The following FEV variants were observed in gnomAD, a reference collection of about 807,000 sequenced individuals.
FEV encodes protein FEV.
FEV carries 14 observed loss-of-function variants against 20.5 expected under a neutral mutation model. The observed-to-expected ratio is 0.68, with a 90% CI of 0.45 to 1.07. The LOEUF (loss-of-function observed/expected upper bound fraction) is 1.07, where lower values mean the gene tolerates loss of function less well. Ranked by LOEUF, FEV falls within the 50% of genes least tolerant of loss-of-function variation. The pLI, the probability that FEV is intolerant of heterozygous loss-of-function variation, is 0.00. For missense variants in FEV, 301 were observed against 345.3 expected, an observed-to-expected ratio of 0.87 and a Z score of 1.02; for synonymous variants, 188 against 163.7, an observed-to-expected ratio of 1.15 and a Z score of -1.13.
At position 218,985,139 on chromosome 2, in the gene FEV, C is replaced by A. The variant is rs1945428786; in HGVS notation, c.-64G>T. 3.1e-6 allele frequency: 4 copies of A among 1,269,980 alleles called. No individual in the cohort carries two copies. The South Asian group carries it at 4.4e-5, about 14-fold the overall frequency. 78.7% of individuals were successfully genotyped at this position (1,269,980 alleles called of 1,614,324 possible). A position where few individuals can be genotyped will look rare whatever the true frequency, so the allele number is the denominator to read the frequency against. On this transcript the variant is annotated 5_prime_UTR_variant, in exon 1 of 3. Coordinates refer to ENST00000295727, the MANE Select transcript of FEV (RefSeq NM_017521.3). ...GGGAAGGGGGGCGAGGCAGGCTTTG[C>A]GCTCGGTGGCACCGATCCCCGCCCG...
At position 218,984,949 on chromosome 2, in the gene FEV, C is replaced by G; in HGVS notation, c.52+75G>C. On this transcript the variant is annotated intron_variant, in intron 1 of 2. Transcript: ENST00000295727. This position sits in a 1 kb window ranked among gnomAD's most constrained non-coding sequence, Gnocchi z 5.0. Reference sequence around the variant, plus strand: ...CTTCTCCTTCCCCTGGACCCCAGCACTCTCTTCCCATGCCTGAGCCTAGAC... The same window carrying G: ...CTTCTCCTTCCCCTGGACCCCAGCAGTCTCTTCCCATGCCTGAGCCTAGAC... The G allele has an allele frequency of 7.3e-7, 1 of 1,365,836 alleles. No homozygotes were observed. The highest frequency in any genetic ancestry group is 1.0e-6 in the Non-Finnish European group (1 of 978,106). The allele number at this position is 1,365,836 out of a possible 1,614,324, so 84.6% of individuals were successfully genotyped here. A position where few individuals can be genotyped will look rare whatever the true frequency, so the allele number is the denominator to read the frequency against.
At chr2:218,983,783 A>T (rs1325249890) in intron 2 of FEV, among the ~76,000 whole-genome samples, 3 of 152,200 alleles carry the variant, frequency 2.0e-5, no homozygotes, top group Non-Finnish European at 4.4e-5. Flanking sequence ...GTTGGCCAGC[A>T]GAGATCAGCC....
chr2:218,984,371 C>A lies in FEV; in HGVS notation c.53-66G>T. 1 of 1,482,330 alleles carries A rather than the reference C, an allele frequency of 6.7e-7. No individual in the cohort carries two copies. The highest frequency in any genetic ancestry group is 9.2e-7 in the Non-Finnish European group (1 of 1,090,972). 91.8% of individuals were successfully genotyped at this position (1,482,330 alleles called of 1,614,324 possible). On this transcript the variant is annotated intron_variant, in intron 1 of 2. Coordinates refer to ENST00000295727, the MANE Select transcript of FEV (RefSeq NM_017521.3). The surrounding 1 kb of genome is among the most constrained non-coding windows in gnomAD (Gnocchi z 5.0). ...GGAAGTTGTGGGCTTGACAAAAGGG[C>A]CCCGGGCCAAGGCTTAAGGGGGGTG...
In FEV at chr2:218,984,626, C is replaced by G. The variant is rs1370073537; in HGVS notation, c.53-321G>C. On this transcript the variant is annotated intron_variant, in intron 1 of 2. Coordinates refer to ENST00000295727, the MANE Select transcript of FEV (RefSeq NM_017521.3). This position sits in a 1 kb window ranked among gnomAD's most constrained non-coding sequence, Gnocchi z 5.0. ...GAGAAGAGGAGGGTGCCTGGAGGGCCGGCCTGAAGCTCGTAGCAGGAAGGT... is the reference window on the plus strand; with the variant it reads ...GAGAAGAGGAGGGTGCCTGGAGGGCGGGCCTGAAGCTCGTAGCAGGAAGGT... 6.6e-6 allele frequency among the ~76,000 whole-genome samples: 1 copy of G among 152,198 alleles called. No homozygotes were observed. The highest frequency in any genetic ancestry group is 2.4e-5 in the African/African-American group (1 of 41,450).
chr2:218,982,293 G>C (rs452985), intron 2 of FEV, 37 bp from the exon 3 acceptor site: 40,058 of 1,512,214 alleles, frequency 0.026, 1,816 homozygotes, highest in South Asian at 0.14. Flanking sequence ...AGGCGGGAGC[G>C]GGGAGGCGGG....
rs757171963 is a variant in FEV at position 218,982,135 on chromosome 2, C to T, written c.249G>A (p.Val83=). 6 of 1,613,482 alleles carry T rather than the reference C, an allele frequency of 3.7e-6. No individual in the cohort carries two copies. The highest frequency in any genetic ancestry group is 1.3e-5 in the African/African-American group (1 of 74,928). Reference sequence around the variant, plus strand: ...TCTTGCGCTCGCCCCACCGCCGCGCCACCTCGTCCGGGTCCGTGAGCTTGA... The same window carrying T: ...TCTTGCGCTCGCCCCACCGCCGCGCTACCTCGTCCGGGTCCGTGAGCTTGA... ...GEFKLTDPDE[V]ARRWGERKSK... is the part of the protein sequence containing the mutation. Residue 83 remains valine, a synonymous_variant, in exon 3 of 3, where the codon GTG becomes GTA. Coordinates refer to ENST00000295727, the MANE Select transcript of FEV (RefSeq NM_017521.3).
chr2:218,981,562 T>G lies in FEV; in HGVS notation c.*105A>C. ...TGCGGCAGGTGGAGTAAACTCTGGA[T>G]TAGAGGACGGTTGACGGAGGCTCCC... On this transcript the variant is annotated 3_prime_UTR_variant, in exon 3 of 3. Coordinates refer to ENST00000295727, the MANE Select transcript of FEV (RefSeq NM_017521.3). This position sits in a 1 kb window ranked among gnomAD's most constrained non-coding sequence, Gnocchi z 4.5. 6.8e-6 allele frequency: 6 copies of G among 886,156 alleles called. No individual in the cohort carries two copies. The highest frequency in any genetic ancestry group is 8.9e-6 in the Non-Finnish European group (6 of 671,670). The allele number at this position is 886,156 out of a possible 1,614,324, so 54.9% of individuals were successfully genotyped here.
In FEV at chr2:218,984,046, C is replaced by A. The variant is rs1945415381; in HGVS notation, c.127+185G>T. On this transcript the variant is annotated intron_variant, in intron 2 of 2. Coordinates refer to ENST00000295727, the MANE Select transcript of FEV (RefSeq NM_017521.3). This position sits in a 1 kb window ranked among gnomAD's most constrained non-coding sequence, Gnocchi z 5.0. ...ATCTGCCTTGGCCTGCAACTCTTTT[C>A]CTGGTGCTCAGGAGATGCAGGAGCC... 6.6e-6 allele frequency among the ~76,000 whole-genome samples: 1 copy of A among 152,214 alleles called. No individual in the cohort carries two copies.
rs779649452 is a variant in FEV, at chr2:218,982,153, G to T, written c.231C>A (p.Leu77=). 6.2e-7 allele frequency: 1 copy of T among 1,613,436 alleles called. No homozygotes were observed. The highest frequency in any genetic ancestry group is 1.7e-5 in the Admixed American group (1 of 60,008). Residue 77 remains leucine (L), a synonymous_variant, in exon 3 of 3, where the codon CTC becomes CTA. Coordinates refer to ENST00000295727, the MANE Select transcript of FEV (RefSeq NM_017521.3). The part of the protein sequence containing the change: ...AWEGGHGEFK[L]TDPDEVARRW... Reference sequence around the variant, plus strand: ...GCCGCGCCACCTCGTCCGGGTCCGTGAGCTTGAACTCGCCGTGACCGCCCT... The same window carrying T: ...GCCGCGCCACCTCGTCCGGGTCCGTTAGCTTGAACTCGCCGTGACCGCCCT...
In FEV at chr2:218,981,957, G is replaced by A. The variant is rs1299597096; in HGVS notation, c.427C>T (p.His143Tyr). The stretch of plus-strand genomic sequence containing the variant: ...GCGGCAGCAGCTGCGGCGGCGGCAT[G>A]AGCGTGCGCGGGCGGCGGCTGGCAG... ...QACQPPPAHA[H>Y]AAAAAAAAAA... Residue 143 changes from histidine to tyrosine, a missense_variant, in exon 3 of 3, where the codon CAT becomes TAT. Coordinates refer to ENST00000295727, the MANE Select transcript of FEV (RefSeq NM_017521.3). This position sits in a 1 kb window ranked among gnomAD's most constrained non-coding sequence, Gnocchi z 4.5. 3.2e-6 allele frequency: 5 copies of A among 1,550,052 alleles called. No homozygotes were observed. Among genetic ancestry groups the A allele is most frequent in the East Asian group, 5.3e-5 (2 of 37,756 alleles).
At position 218,984,142 on chromosome 2, in the gene FEV, C is replaced by T. The variant is rs538219826; in HGVS notation, c.127+89G>A. 9.7e-5 allele frequency: 130 copies of T among 1,338,070 alleles called. No individual in the cohort carries two copies. The African/African-American group carries it at 1.8e-3, about 19-fold the overall frequency. The allele number at this position is 1,338,070 out of a possible 1,614,324, so 82.9% of individuals were successfully genotyped here. A position where few individuals can be genotyped will look rare whatever the true frequency, so the allele number is the denominator to read the frequency against. On this transcript the variant is annotated intron_variant, in intron 2 of 2. Transcript: ENST00000295727. This position sits in a 1 kb window ranked among gnomAD's most constrained non-coding sequence, Gnocchi z 5.0. The stretch of plus-strand genomic sequence containing the variant: ...AGGACTCCGGGCTTCAGTGTGAACC[C>T]TGGGTCCACACTGCTCCCACCTACT...
In FEV at chr2:218,981,317, T is replaced by G; in HGVS notation, c.*350A>C. The stretch of plus-strand genomic sequence containing the variant: ...AAAAGATTTGGCACTCGTTAAAGAG[T>G]AGTGATATTGAATGGGGCTTCTAGG... On this transcript the variant is annotated 3_prime_UTR_variant, in exon 3 of 3. Transcript: ENST00000295727. This position sits in a 1 kb window ranked among gnomAD's most constrained non-coding sequence, Gnocchi z 4.5. 3.8e-6 allele frequency: 1 copy of G among 263,396 alleles called. No homozygotes were observed. Among genetic ancestry groups the G allele is most frequent in the Non-Finnish European group, 7.2e-6 (1 of 139,128 alleles). The allele number at this position is 263,396 out of a possible 1,614,324, so 16.3% of individuals were successfully genotyped here. A position where few individuals can be genotyped will look rare whatever the true frequency, so the allele number is the denominator to read the frequency against.
In FEV at chr2:218,985,083, G is replaced by C. The variant is rs757757180; in HGVS notation, c.-8C>G. ...GGCGCCGCTCTGTCTCATCGCCGCC[G>C]GGGACTGGGCGGTGGGAGATGGGGG... On this transcript the variant is annotated 5_prime_UTR_variant, in exon 1 of 3. Transcript: ENST00000295727. The C allele has an allele frequency of 5.2e-6, 8 of 1,549,118 alleles. No homozygotes were observed. The African/African-American group carries it at 8.2e-5, about 16-fold the overall frequency.
chr2:218,982,212 C>T lies in FEV; in HGVS notation c.172G>A (p.Ala58Thr), dbSNP rs1311894675. Reference protein sequence around the residue: ...QLWQFLLELLADRANAGCIAW... With the variant: ...QLWQFLLELLTDRANAGCIAW... ...ATGCAGCCGGCGTTCGCGCGGTCAGCCAGCAGCTCCAGCAGAAACTGCCAC... is the reference window on the plus strand; with the variant it reads ...ATGCAGCCGGCGTTCGCGCGGTCAGTCAGCAGCTCCAGCAGAAACTGCCAC... The change falls in exon 3 of 3, where the codon GCT becomes ACT. Residue 58 changes from alanine to threonine, a missense_variant. Ala to Thr is a moderately conservative substitution (Grantham distance 58, BLOSUM62 0). Transcript: ENST00000295727. 1 of 1,605,166 alleles carries T rather than the reference C, an allele frequency of 6.2e-7. No individual in the cohort carries two copies. Among genetic ancestry groups the T allele is most frequent in the Non-Finnish European group, 8.5e-7 (1 of 1,176,794 alleles).
Position 218,984,569 on chromosome 2 carries a change from G to A in FEV, c.53-264C>T. ...CGGCTGGAGCCTTATAAAGCCGAGC[G>A]GGGAACTGCGCCAGCCGAGCTGGAG... On this transcript the variant is annotated intron_variant, in intron 1 of 2. Transcript: ENST00000295727. This position sits in a 1 kb window ranked among gnomAD's most constrained non-coding sequence, Gnocchi z 5.0. 2.4e-6 allele frequency: 1 copy of A among 421,398 alleles called. No individual in the cohort carries two copies. Among genetic ancestry groups the A allele is most frequent in the East Asian group, 3.9e-5 (1 of 25,828 alleles). 26.1% of individuals were successfully genotyped at this position (421,398 alleles called of 1,614,324 possible).
At position 218,981,878 on chromosome 2, in the gene FEV, G is replaced by C. The variant is rs1945390491; in HGVS notation, c.506C>G (p.Pro169Arg). The C allele has an allele frequency of 2.4e-6, 3 of 1,238,902 alleles. No homozygotes were observed. The highest frequency in any genetic ancestry group is 3.0e-6 in the Non-Finnish European group (3 of 995,512). 76.7% of individuals were successfully genotyped at this position (1,238,902 alleles called of 1,614,324 possible). Residue 169 changes from proline (P) to arginine (R), a missense_variant, in exon 3 of 3, where the codon CCG becomes CGG. Transcript: ENST00000295727. The surrounding 1 kb of genome is among the most constrained non-coding windows in gnomAD (Gnocchi z 4.5). The stretch of plus-strand genomic sequence containing the variant: ...TTTGGAGAGGCCGGGGAAGGGCAGC[G>C]GGGCGAGGCCGGCGGGCAGCTTGTA... The part of the protein sequence containing the change: ...ALYKLPAGLA[P>R]LPFPGLSKLN...
rs770213076 is a variant in FEV at position 218,981,659 on chromosome 2, C to A, written c.*8G>T. 5.4e-6 allele frequency: 7 copies of A among 1,301,960 alleles called. No homozygotes were observed. The highest frequency in any genetic ancestry group is 4.9e-5 in the South Asian group (2 of 40,576). The allele number at this position is 1,301,960 out of a possible 1,614,324, so 80.7% of individuals were successfully genotyped here. On this transcript the variant is annotated 3_prime_UTR_variant, in exon 3 of 3. Coordinates refer to ENST00000295727, the MANE Select transcript of FEV (RefSeq NM_017521.3). The surrounding 1 kb of genome is among the most constrained non-coding windows in gnomAD (Gnocchi z 4.5). ...GCGGGCGAGGCCGCAGGCACCCGAC[C>A]GCCCCGTCTAGTGGTAATGGCCCCC...
At position 218,984,207 on chromosome 2, in the gene FEV, C is replaced by T. The variant is rs1461161844; in HGVS notation, c.127+24G>A. On this transcript the variant is annotated intron_variant, in intron 2 of 2. Coordinates refer to ENST00000295727, the MANE Select transcript of FEV (RefSeq NM_017521.3). The surrounding 1 kb of genome is among the most constrained non-coding windows in gnomAD (Gnocchi z 5.0). ...TGACCCCAACCAACCTCGCCTCCGC[C>T]GCCCAGCGCGCCGGCCATCTCACCT... The T allele has an allele frequency of 6.4e-7, 1 of 1,570,438 alleles. No individual in the cohort carries two copies. The highest frequency in any genetic ancestry group is 8.6e-7 in the Non-Finnish European group (1 of 1,157,802).
In FEV at chr2:218,981,565, G is replaced by T; in HGVS notation, c.*102C>A. The stretch of plus-strand genomic sequence containing the variant: ...GGCAGGTGGAGTAAACTCTGGATTA[G>T]AGGACGGTTGACGGAGGCTCCCGGG... On this transcript the variant is annotated 3_prime_UTR_variant, in exon 3 of 3. Coordinates refer to ENST00000295727, the MANE Select transcript of FEV (RefSeq NM_017521.3). The surrounding 1 kb of genome is among the most constrained non-coding windows in gnomAD (Gnocchi z 4.5). 1.1e-6 allele frequency: 1 copy of T among 928,322 alleles called. No individual in the cohort carries two copies. The highest frequency in any genetic ancestry group is 1.4e-6 in the Non-Finnish European group (1 of 709,546). 57.5% of individuals were successfully genotyped at this position (928,322 alleles called of 1,614,324 possible).
Sources: allele counts gnomAD v4.1 joint callset (sites outside exome capture counted in the v4.1 genomes callset), GRCh38; gene constraint gnomAD v4.1.1; non-coding constraint Gnocchi (gnomAD v3.1); transcripts MANE v1.5; gene names NCBI Gene and HGNC (gene_info 2026-07-23, HGNC 2026-07-21).